The following ACOT12 variants were observed in gnomAD, a reference collection of about 807,000 sequenced individuals.
The protein encoded by ACOT12 is acetyl-coenzyme A thioesterase.
Under a neutral mutation model 67.7 loss-of-function variants are expected in ACOT12, and 51 were observed. The ratio of observed to expected loss-of-function variants is 0.75; its 90% confidence interval spans 0.60 to 0.95. The LOEUF (loss-of-function observed/expected upper bound fraction) is 0.95. Among genes scored for constraint, ACOT12 ranks in the 40% least tolerant of loss-of-function variants. The pLI is 0.00. For missense variants in ACOT12, 734 were observed against 708.1 expected (o/e 1.04, Z -0.41); for synonymous variants, 251 against 244.6 (o/e 1.03, Z -0.24).
intron 3 of ACOT12, among the ~76,000 whole-genome samples, chr5:81,367,478 C>T (rs1278606309): frequency 6.6e-6 from 1 of 151,926 alleles, no homozygotes; most frequent in Non-Finnish European, 1.5e-5. Context: ...ACACTATACT[C>T]AAAGGGATAT....
At chr5:81,366,437 G>T (rs945886597) in intron 3 of ACOT12, among the ~76,000 whole-genome samples, 2 of 152,166 alleles carry the variant, frequency 1.3e-5, no homozygotes, top group African/African-American at 2.4e-5. Context: ...TAAGCACCAT[G>T]AACTCAGAGA....
intron 3 of ACOT12, among the ~76,000 whole-genome samples, chr5:81,366,610 T>G (rs891856609): frequency 6.6e-6 from 1 of 152,094 alleles, no homozygotes; most frequent in African/African-American, 2.4e-5. Context: ...CTACAAAAAA[T>G]TTTTATTCAT....
intron 1 of ACOT12, among the ~76,000 whole-genome samples, chr5:81,387,085 A>G (rs1238995882): frequency 2.7e-5 from 4 of 145,674 alleles, no homozygotes; most frequent in Non-Finnish European, 5.9e-5. Flanking sequence ...GGCTCATTTC[A>G]ACCTCCACCT....
intron 5 of ACOT12, among the ~76,000 whole-genome samples, chr5:81,359,455 C>T (rs957297563): frequency 1.3e-5 from 2 of 152,186 alleles, no homozygotes; most frequent in African/African-American, 2.4e-5. Context: ...AGTCTCTGCT[C>T]ATACCCCATA....
In ACOT12 at chr5:81,365,927, T is replaced by A. The variant is rs116453764; in HGVS notation, c.259-2038A>T. ...AGAAATATGCCTGTGAGTCTTTGGG[T>A]TGATACTAACTGGACCATATACAGG... On this transcript the variant is annotated intron_variant, in intron 3 of 14. Transcript: ENST00000307624. Among the ~76,000 whole-genome samples the A allele has an allele frequency of 2.9e-3, 441 of 152,142 alleles. 2 individuals are homozygous for A. Among genetic ancestry groups the A allele is most frequent in the African/African-American group, 0.01 (424 of 41,498 alleles).
intron 2 of ACOT12, among the ~76,000 whole-genome samples, chr5:81,373,164 C>T (rs149631328): frequency 6.6e-6 from 1 of 152,124 alleles, no homozygotes; most frequent in South Asian, 2.1e-4. Flanking sequence ...AAATGAGGTA[C>T]CCAGTTCATC....
In ACOT12 at chr5:81,344,949, T is replaced by C. The variant is rs1364051939; in HGVS notation, c.866A>G (p.Asn289Ser). 5.6e-6 allele frequency: 9 copies of C among 1,614,052 alleles called. No individual in the cohort carries two copies. The highest frequency in any genetic ancestry group is 5.5e-5 in the South Asian group (5 of 91,090). ...RHINSAFLIY[N>S]AADDKENLIT... is the part of the protein sequence containing the mutation. Reference sequence around the variant, plus strand: ...GAGATTTTCCTTATCATCAGCAGCATTGTAAATGAGAAAAGCACTGTTGAT... The same window carrying C: ...GAGATTTTCCTTATCATCAGCAGCACTGTAAATGAGAAAAGCACTGTTGAT... The change falls in exon 8 of 15, where the codon AAT (asparagine) becomes AGT (serine). Residue 289 changes from asparagine (N) to serine (S), a missense_variant. Asn to Ser is a conservative substitution (Grantham distance 46, BLOSUM62 1). Coordinates refer to ENST00000307624, the MANE Select transcript of ACOT12 (RefSeq NM_130767.3).
At chr5:81,382,028 T>C (rs549688559) in intron 2 of ACOT12, among the ~76,000 whole-genome samples, 1 of 152,332 alleles carries the variant, frequency 6.6e-6, no homozygotes, top group South Asian at 2.1e-4. Flanking sequence ...AATTAATGTG[T>C]ATATACATAT....
At chr5:81,373,120 C>T (rs183543366) in intron 2 of ACOT12, among the ~76,000 whole-genome samples, 17 of 152,262 alleles carry the variant, frequency 1.1e-4, no homozygotes, top group African/African-American at 3.4e-4. Context: ...TCAGCGAGAT[C>T]GATGCAGAAG....
chr5:81,319,715 CAA>C, the ACOT12 span, among the ~76,000 whole-genome samples: 25 of 116,994 alleles, frequency 2.1e-4, no homozygotes, highest in Non-Finnish European at 1.6e-4. Flanking sequence ...GAAACTGTCT[CAA>C]AAAAAAAAAA....
intron 3 of ACOT12, among the ~76,000 whole-genome samples, chr5:81,370,064 T>C (rs749168784): frequency 2.0e-5 from 3 of 152,156 alleles, no homozygotes; most frequent in Admixed American, 6.5e-5. Context: ...GGGCAGATCA[T>C]GAGGTCAGAA....
intron 5 of ACOT12, 155 bp downstream of exon 5, chr5:81,359,748 G>A: frequency 1.3e-6 from 1 of 742,084 alleles, no homozygotes; most frequent in Non-Finnish European, 2.0e-6. Flanking sequence ...TCAATGGCCA[G>A]GTTTCTTCTC....
chr5:81,368,910 A>T (rs1304389724), intron 3 of ACOT12, among the ~76,000 whole-genome samples: 1 of 148,648 alleles, frequency 6.7e-6, no homozygotes, highest in Admixed American at 6.8e-5. Flanking sequence ...GGCAAAAAAG[A>T]AAAAAAAAAG....
intron 5 of ACOT12, among the ~76,000 whole-genome samples, chr5:81,358,604 C>T (rs1032825614): frequency 6.6e-6 from 1 of 152,178 alleles, no homozygotes; most frequent in Non-Finnish European, 1.5e-5. Context: ...AATCCCAGCA[C>T]TTTGGGAGGC....
chr5:81,308,687 A>G, the ACOT12 span: 6 of 1,612,660 alleles, frequency 3.7e-6, no homozygotes, highest in African/African-American at 1.3e-5. Flanking sequence ...AACCAAGTGT[A>G]AGGCTAAAGT....
At position 81,335,844 on chromosome 5, in the gene ACOT12, C is replaced by T. The variant is rs764480644; in HGVS notation, c.1186G>A (p.Val396Met). 2.2e-5 allele frequency: 35 copies of T among 1,613,968 alleles called. No individual in the cohort carries two copies. Among genetic ancestry groups the T allele is most frequent in the African/African-American group, 1.3e-5 (1 of 74,926 alleles). The change falls in exon 12 of 15, where the codon GTG becomes ATG. Residue 396 changes from valine to methionine, a missense_variant. Physicochemically the swap from Val to Met is conservative, Grantham distance 21 (BLOSUM62 1). Transcript: ENST00000307624. The part of the protein sequence containing the change: ...DVLSVWVEKH[V>M]GSPAHLAYRL... ...TAAGCCAAATGTGCTGGACTTCCCA[C>T]GTGCTTTTCAACCCAAACAGATAAA...
downstream of ACOT12, among the ~76,000 whole-genome samples, chr5:81,328,610 A>C (rs368493711): frequency 1.3e-5 from 2 of 152,310 alleles, no homozygotes; most frequent in South Asian, 4.1e-4. Flanking sequence ...CTCATTTAGC[A>C]TTTCTAAAGT....
At chr5:81,388,834 A>G (rs1375681372) in intron 1 of ACOT12, among the ~76,000 whole-genome samples, 2 of 152,126 alleles carry the variant, frequency 1.3e-5, no homozygotes, top group African/African-American at 4.8e-5. Flanking sequence ...TTCCTGTGCT[A>G]TTCTCATAAT....
intron 1 of ACOT12, among the ~76,000 whole-genome samples, chr5:81,393,289 T>C (rs760152486): frequency 2.3e-4 from 35 of 152,244 alleles, no homozygotes; most frequent in Non-Finnish European, 3.7e-4. Context: ...TGGAAAATAG[T>C]TATTTCTTAA....
Sources: gnomAD v4.1 joint callset for allele counts (sites outside exome capture counted in the v4.1 genomes callset) on GRCh38, gnomAD v4.1.1 for gene constraint, MANE v1.5 for transcripts, NCBI Gene and HGNC (gene_info 2026-07-23, HGNC 2026-07-21) for gene names.